The following C10orf90 variants were observed in gnomAD, a reference collection of about 807,000 sequenced individuals.
The protein encoded by C10orf90 is chromosome 10 open reading frame 90, also known as (E2-independent) E3 ubiquitin-conjugating enzyme FATS.
In C10orf90, 56 loss-of-function variants were observed where a neutral mutation model predicts 62.5. The ratio of observed to expected loss-of-function variants is 0.90; its 90% CI spans 0.72 to 1.12. The LOEUF is 1.12. Ranked by LOEUF, C10orf90 falls within the 50% of genes most tolerant of loss-of-function variation. The pLI, the probability that C10orf90 is intolerant of heterozygous loss-of-function variation, is 0.00. For synonymous variants in C10orf90, 386 were observed against 340.4 expected (o/e 1.13, Z -1.47); for missense variants, 970 against 880.4 (o/e 1.10, Z -1.29).
chr10:126,491,412 G>T (rs1240458601), intron 4 of C10orf90, among the ~76,000 whole-genome samples: 1 of 152,122 alleles, frequency 6.6e-6, no homozygotes, highest in African/African-American at 2.4e-5. Flanking sequence ...CATAAAATGT[G>T]TGCACTTTAA....
At chr10:126,441,806 A>G (rs1357943535) in intron 7 of C10orf90, among the ~76,000 whole-genome samples, 7 of 152,196 alleles carry the variant, frequency 4.6e-5, no homozygotes, top group Non-Finnish European at 7.3e-5. Context: ...TGAAGGAAAG[A>G]TACAGTATTT....
chr10:126,454,590 T>C (rs1337422489), intron 7 of C10orf90, among the ~76,000 whole-genome samples: 1 of 151,598 alleles, frequency 6.6e-6, no homozygotes, highest in Non-Finnish European at 1.5e-5. Flanking sequence ...CTGTGTCCCC[T>C]ACCTGCAGGG....
rs774628721 is a variant in C10orf90, at chr10:126,504,932, T to C, written c.559A>G (p.Asn187Asp). ...RAHHAKQSLA[N>D]RSGVNIHRAF... ...CTGTGAATGTTGACTCCGCTGCGGT[T>C]AGCCAGAGATTGCTTGGCGTGATGT... The change falls in exon 4 of 10, where the codon AAC becomes GAC. Residue 187 changes from asparagine (N) to aspartate (D), a missense_variant. Transcript: ENST00000488181. This position sits in a 1 kb window ranked among gnomAD's most constrained non-coding sequence, Gnocchi z 4.1. The C allele has an allele frequency of 1.2e-6, 2 of 1,614,242 alleles. No homozygotes were observed. The highest frequency in any genetic ancestry group is 1.1e-5 in the South Asian group (1 of 91,088).
chr10:126,635,038 C>G (rs1186887890), intron 2 of C10orf90, among the ~76,000 whole-genome samples: 1 of 152,210 alleles, frequency 6.6e-6, no homozygotes, highest in Non-Finnish European at 1.5e-5. Flanking sequence ...CCAACCGCCT[C>G]AGGCTGCCTG....
intron 2 of C10orf90, among the ~76,000 whole-genome samples, chr10:126,608,043 G>A (rs1191214988): frequency 2.0e-5 from 3 of 152,176 alleles, no homozygotes; most frequent in Admixed American, 6.5e-5. Flanking sequence ...AAGACGAAAC[G>A]AGTTCAGTTC....
chr10:126,475,648 T>C (rs1021806176), intron 4 of C10orf90, among the ~76,000 whole-genome samples: 1 of 152,164 alleles, frequency 6.6e-6, no homozygotes, highest in Non-Finnish European at 1.5e-5. Flanking sequence ...CTTAATTAAG[T>C]TGAAGATGGA....
At chr10:126,561,784 G>A (rs1864906430) in intron 2 of C10orf90, among the ~76,000 whole-genome samples, 1 of 152,152 alleles carries the variant, frequency 6.6e-6, no homozygotes, top group Non-Finnish European at 1.5e-5. Context: ...CACAGAGGGA[G>A]CAGGCCCCTT....
intron 7 of C10orf90, among the ~76,000 whole-genome samples, chr10:126,444,128 C>T (rs906031667): frequency 5.3e-5 from 8 of 152,054 alleles, no homozygotes; most frequent in African/African-American, 1.2e-4. Flanking sequence ...AGGATGCCCA[C>T]GCTCACCACT....
intron 2 of C10orf90, among the ~76,000 whole-genome samples, chr10:126,514,236 G>A (rs1863303925): frequency 6.6e-6 from 1 of 152,098 alleles, no homozygotes; most frequent in Non-Finnish European, 1.5e-5. Flanking sequence ...ATATTCACCA[G>A]TGTCCCAAGT....
chr10:126,532,944 A>AT (rs1864143328), intron 2 of C10orf90, among the ~76,000 whole-genome samples: 1 of 145,564 alleles, frequency 6.9e-6, no homozygotes, highest in Admixed American at 7.0e-5. Context: ...TTATTTATTT[A>AT]TTTTTTGAGA....
At chr10:126,586,801 C>T (rs1301194968) in intron 2 of C10orf90, among the ~76,000 whole-genome samples, 1 of 152,116 alleles carries the variant, frequency 6.6e-6, no homozygotes, top group Non-Finnish European at 1.5e-5. Context: ...AAATATGTTG[C>T]GTTATCCTAT....
chr10:126,468,731 G>C (rs1860419560), intron 4 of C10orf90, among the ~76,000 whole-genome samples: 1 of 152,156 alleles, frequency 6.6e-6, no homozygotes, highest in African/African-American at 2.4e-5. Context: ...GCAGGGACTG[G>C]GGGTGGCGGA....
At chr10:126,565,049 TA>T (rs1216985777) in intron 2 of C10orf90, among the ~76,000 whole-genome samples, 32 of 36,322 alleles carry the variant, frequency 8.8e-4, no homozygotes, top group East Asian at 1.6e-3. Flanking sequence ...ATATAATATA[TA>T]ATATATAAAA....
intron 2 of C10orf90, among the ~76,000 whole-genome samples, chr10:126,619,822 G>A (rs1205297539): frequency 6.6e-6 from 1 of 152,008 alleles, no homozygotes; most frequent in Non-Finnish European, 1.5e-5. Flanking sequence ...ATATTTTTCT[G>A]TAGAGACGGG....
At chr10:126,615,591 A>C (rs1319584456) in intron 2 of C10orf90, among the ~76,000 whole-genome samples, 1 of 152,218 alleles carries the variant, frequency 6.6e-6, no homozygotes, top group Non-Finnish European at 1.5e-5. Flanking sequence ...TCTCTAATCA[A>C]ATGGTTATGT....
chr10:126,566,979 C>T lies in C10orf90; in HGVS notation c.314-53040G>A, dbSNP rs115078613. ...GAGGAAGTGAAAATTTCCATTTAGA[C>T]ACACCCATACTGAGAGGCGTATTAC... On this transcript the variant is annotated intron_variant, in intron 2 of 9. Coordinates refer to ENST00000488181, the MANE Select transcript of C10orf90 (RefSeq NM_001350921.2). 7.1e-3 allele frequency among the ~76,000 whole-genome samples: 1,075 copies of T among 152,184 alleles called. 7 individuals are homozygous for T. The highest frequency in any genetic ancestry group is 0.022 in the African/African-American group (926 of 41,514).
At chr10:126,427,119 G>A (rs984010884) in intron 8 of C10orf90, among the ~76,000 whole-genome samples, 3 of 152,336 alleles carry the variant, frequency 2.0e-5, no homozygotes, top group East Asian at 3.9e-4. Flanking sequence ...ATGGCATCAA[G>A]CTACTTGTGA....
chr10:126,654,464 A>G (rs1846353005), intron 1 of C10orf90, among the ~76,000 whole-genome samples: 1 of 151,888 alleles, frequency 6.6e-6, no homozygotes, highest in African/African-American at 2.4e-5. Context: ...TATCTTCCTC[A>G]CCTCTCTCAG....
At chr10:126,531,605 T>C (rs1019597098) in intron 2 of C10orf90, among the ~76,000 whole-genome samples, 1 of 152,128 alleles carries the variant, frequency 6.6e-6, no homozygotes, top group Non-Finnish European at 1.5e-5. Flanking sequence ...ATGCCTCAAC[T>C]CTTACCTCAA....
Sources: allele counts gnomAD v4.1 joint callset (sites outside exome capture counted in the v4.1 genomes callset), GRCh38; gene constraint gnomAD v4.1.1; non-coding constraint Gnocchi (gnomAD v3.1); transcripts MANE v1.5; gene names NCBI Gene and HGNC (gene_info 2026-07-23, HGNC 2026-07-21).